Variants in DRC11 observed in about 807,000 individuals in gnomAD.
DRC11 encodes IQ and AAA domain-containing protein 1.
At chr2:236,498,677 T>C in the DRC11 span, among the ~76,000 whole-genome samples, 3 of 152,088 alleles carry the variant, frequency 2.0e-5, no homozygotes, top group South Asian at 6.2e-4. Flanking sequence ...AGCCTTAAGG[T>C]GGTGGTGGCT....
At chr2:236,349,851 T>G in the DRC11 span, among the ~76,000 whole-genome samples, 1 of 152,134 alleles carries the variant, frequency 6.6e-6, no homozygotes, top group South Asian at 2.1e-4. This position sits in a 1 kb window ranked among gnomAD's most constrained non-coding sequence, Gnocchi z 5.5. Context: ...GTAACAAACC[T>G]GCACACACAC....
the DRC11 span, among the ~76,000 whole-genome samples, chr2:236,336,523 AC>A: frequency 8.6e-3 from 1,306 of 151,964 alleles, 8 homozygotes; most frequent in Non-Finnish European, 0.011. This position sits in a 1 kb window ranked among gnomAD's most constrained non-coding sequence, Gnocchi z 7.3. Flanking sequence ...CCTGCCACTG[AC>A]CATCATCATC....
the DRC11 span, chr2:236,324,411 T>C: frequency 6.4e-6 from 2 of 311,330 alleles, no homozygotes; most frequent in Non-Finnish European, 1.2e-5. The surrounding 1 kb of genome is among the most constrained non-coding windows in gnomAD (Gnocchi z 5.7). Context: ...ATTTCAGTTA[T>C]ATACAAACTT....
the DRC11 span, among the ~76,000 whole-genome samples, chr2:236,380,351 T>C: frequency 6.6e-6 from 1 of 152,234 alleles, no homozygotes; most frequent in African/African-American, 2.4e-5. The surrounding 1 kb of genome is among the most constrained non-coding windows in gnomAD (Gnocchi z 4.9). Context: ...AAAAAAATGT[T>C]ATGACGTCAG....
chr2:236,440,928 A>C, the DRC11 span: 1 of 661,900 alleles, frequency 1.5e-6, no homozygotes, highest in South Asian at 2.0e-5. Context: ...TTCCATGTAA[A>C]TATTTGTAGG....
the DRC11 span, chr2:236,332,860 C>T: frequency 6.6e-6 from 1 of 152,174 alleles, no homozygotes; most frequent in South Asian, 2.1e-4. This position sits in a 1 kb window ranked among gnomAD's most constrained non-coding sequence, Gnocchi z 5.1. Flanking sequence ...TGAACTGTAC[C>T]TTGGGGCCTG....
the DRC11 span, among the ~76,000 whole-genome samples, chr2:236,387,170 C>G: frequency 2.7e-5 from 4 of 149,452 alleles, no homozygotes; most frequent in Non-Finnish European, 6.0e-5. Context: ...CTGTAGATGT[C>G]TATTAGGTCC....
At chr2:236,364,586 G>C in the DRC11 span, among the ~76,000 whole-genome samples, 1 of 146,736 alleles carries the variant, frequency 6.8e-6, no homozygotes, top group Non-Finnish European at 1.5e-5. Context: ...GAGTCATTCA[G>C]AGGTTCATGC....
the DRC11 span, among the ~76,000 whole-genome samples, chr2:236,480,717 G>A: frequency 6.6e-6 from 1 of 152,164 alleles, no homozygotes; most frequent in Admixed American, 6.5e-5. Context: ...CATCTCATTA[G>A]TGTCAGTCAC....
the DRC11 span, among the ~76,000 whole-genome samples, chr2:236,307,210 A>G: frequency 7.2e-5 from 11 of 152,128 alleles, no homozygotes; most frequent in Non-Finnish European, 1.5e-4. The surrounding 1 kb of genome is among the most constrained non-coding windows in gnomAD (Gnocchi z 7.0). Flanking sequence ...CAATTCCTGG[A>G]TCGTCAATGC....
chr2:236,404,161 T>TAAAAAAAAAAAA, the DRC11 span, among the ~76,000 whole-genome samples: 4 of 91,454 alleles, frequency 4.4e-5, no homozygotes, highest in Admixed American at 1.2e-4. Context: ...AATGGAGAGT[T>TAAAAAAAAAAAA]AAAAAAAAAA....
chr2:236,373,442 T>C, the DRC11 span, among the ~76,000 whole-genome samples: 1 of 151,924 alleles, frequency 6.6e-6, no homozygotes, highest in Non-Finnish European at 1.5e-5. Context: ...GCAGAGATGG[T>C]GTTCCTCCAT....
At chr2:236,367,993 G>T in the DRC11 span, 167 of 603,496 alleles carry the variant, frequency 2.8e-4, 3 homozygotes, top group East Asian at 3.5e-3. This position sits in a 1 kb window ranked among gnomAD's most constrained non-coding sequence, Gnocchi z 4.8. Flanking sequence ...CACGCAGAGA[G>T]GGTGCAGAAG....
the DRC11 span, among the ~76,000 whole-genome samples, chr2:236,383,645 T>C: frequency 2.7e-3 from 418 of 152,044 alleles, 5 homozygotes; most frequent in African/African-American, 9.3e-3. Flanking sequence ...TTTTTTTTTT[T>C]TTGTTTTGTT....
the DRC11 span, among the ~76,000 whole-genome samples, chr2:236,460,282 G>A: frequency 2.0e-5 from 3 of 151,952 alleles, no homozygotes; most frequent in Non-Finnish European, 4.4e-5. The surrounding 1 kb of genome is among the most constrained non-coding windows in gnomAD (Gnocchi z 4.0). Flanking sequence ...ACCAGATAAA[G>A]TGTTCTCAAG....
the DRC11 span, among the ~76,000 whole-genome samples, chr2:236,484,431 G>A: frequency 6.6e-6 from 1 of 151,926 alleles, no homozygotes; most frequent in African/African-American, 2.4e-5. Flanking sequence ...AAACAATCAT[G>A]GTGTTCATAT....
At chr2:236,506,964 C>T in the DRC11 span, among the ~76,000 whole-genome samples, 1 of 152,170 alleles carries the variant, frequency 6.6e-6, no homozygotes, top group Admixed American at 6.5e-5. This position sits in a 1 kb window ranked among gnomAD's most constrained non-coding sequence, Gnocchi z 4.9. Context: ...TCAGCAATAG[C>T]CCCTAAGGGC....
the DRC11 span, among the ~76,000 whole-genome samples, chr2:236,361,231 TAAG>T: frequency 2.0e-4 from 30 of 151,954 alleles, no homozygotes; most frequent in East Asian, 5.8e-4. This position sits in a 1 kb window ranked among gnomAD's most constrained non-coding sequence, Gnocchi z 5.7. Context: ...AAGCAAAAGA[TAAG>T]AAGATCAGAA....
the DRC11 span, among the ~76,000 whole-genome samples, chr2:236,318,949 G>C: frequency 0.053 from 8,014 of 152,244 alleles, 701 homozygotes; most frequent in African/African-American, 0.18. This position sits in a 1 kb window ranked among gnomAD's most constrained non-coding sequence, Gnocchi z 7.0. Flanking sequence ...GGTGGAGCCA[G>C]GGTTATTCAA....
Sources: allele counts gnomAD v4.1 joint callset (sites outside exome capture counted in the v4.1 genomes callset), GRCh38; gene constraint gnomAD v4.1.1; non-coding constraint Gnocchi (gnomAD v3.1); transcripts MANE v1.5; gene names NCBI Gene and HGNC (gene_info 2026-07-23, HGNC 2026-07-21).